DPH6: variants seen among roughly 807,000 people sequenced by gnomAD.
DPH6 encodes diphthine--ammonia ligase.
Under a neutral mutation model 38.2 loss-of-function variants are expected in DPH6, and 33 were observed. The observed-to-expected ratio is 0.86, with a 90% CI of 0.65 to 1.15. The LOEUF (loss-of-function observed/expected upper bound fraction) is 1.15, where lower values mean the gene tolerates loss of function less well. Ranked by LOEUF, DPH6 falls within the 50% of genes most tolerant of loss-of-function variation. The pLI is 0.00. For missense variants in DPH6, 325 were observed against 320.0 expected, an observed-to-expected ratio of 1.02 and a Z score of -0.12; for synonymous variants, 108 against 103.0, an observed-to-expected ratio of 1.05 and a Z score of -0.30.
intron 3 of DPH6, 26 bp downstream of exon 3, chr15:35,538,248 T>A (rs756777571): frequency 7.0e-7 from 1 of 1,422,132 alleles, no homozygotes; most frequent in South Asian, 1.8e-5. Context: ...CTAAATCCAA[T>A]ATACTTAATT....
chr15:35,260,407 G>A (rs1246113538), intron 3 of DPH6, among the ~76,000 whole-genome samples: 1 of 151,648 alleles, frequency 6.6e-6, no homozygotes, highest in Admixed American at 6.6e-5. Context: ...CGCCCAGCCA[G>A]GAGATTCTTT....
chr15:35,289,824 T>C (rs903087537), intron 3 of DPH6, among the ~76,000 whole-genome samples: 1 of 152,228 alleles, frequency 6.6e-6, no homozygotes, highest in African/African-American at 2.4e-5. Flanking sequence ...AAATTGATTA[T>C]TTTAGCTACT....
intron 5 of DPH6, among the ~76,000 whole-genome samples, chr15:35,424,760 C>T (rs1236208323): frequency 6.6e-6 from 1 of 151,376 alleles, no homozygotes; most frequent in Non-Finnish European, 1.5e-5. Context: ...GAAAAGATTA[C>T]TGAATAAAGG....
intron 3 of DPH6, among the ~76,000 whole-genome samples, chr15:35,338,123 A>C (rs2052388705): frequency 6.6e-6 from 1 of 152,198 alleles, no homozygotes; most frequent in Admixed American, 6.5e-5. Flanking sequence ...AGGCATGGGC[A>C]AGGACTTCAC....
chr15:35,354,642 T>A (rs949062945), intron 3 of DPH6, among the ~76,000 whole-genome samples: 1 of 152,188 alleles, frequency 6.6e-6, no homozygotes, highest in African/African-American at 2.4e-5. Flanking sequence ...CACTTGATCA[T>A]GGTGGATAAG....
At chr15:35,251,248 T>G (rs763926408) in intron 3 of DPH6, among the ~76,000 whole-genome samples, 4 of 152,214 alleles carry the variant, frequency 2.6e-5, no homozygotes, top group Non-Finnish European at 4.4e-5. Flanking sequence ...AGTGCAGGTT[T>G]GTTACACGAG....
At chr15:35,339,747 G>C (rs951118391) in intron 3 of DPH6, among the ~76,000 whole-genome samples, 7 of 152,146 alleles carry the variant, frequency 4.6e-5, no homozygotes, top group South Asian at 4.1e-4. Flanking sequence ...TGGTTGGAGA[G>C]ACTGTTTTTT....
intron 5 of DPH6, among the ~76,000 whole-genome samples, chr15:35,448,007 T>TA (rs1347240048): frequency 6.6e-6 from 1 of 152,224 alleles, no homozygotes; most frequent in African/African-American, 2.4e-5. Flanking sequence ...TCAATTTAGT[T>TA]ACTTTGCAAA....
intron 3 of DPH6, chr15:35,520,372 G>A (rs1185448539): frequency 3.1e-6 from 3 of 982,436 alleles, no homozygotes; most frequent in East Asian, 1.1e-4. Flanking sequence ...TTATACAACA[G>A]TATCAGGATG....
chr15:35,249,768 T>A (rs1350075150), intron 3 of DPH6, among the ~76,000 whole-genome samples: 2 of 152,150 alleles, frequency 1.3e-5, no homozygotes, highest in African/African-American at 2.4e-5. Context: ...TTGTGTGATA[T>A]GTTAGAGAAT....
intron 3 of DPH6, among the ~76,000 whole-genome samples, chr15:35,362,618 G>A (rs1477366041): frequency 6.6e-6 from 1 of 152,200 alleles, no homozygotes; most frequent in Non-Finnish European, 1.5e-5. Flanking sequence ...TGCACTCCAA[G>A]TCTGATGAGA....
intron 3 of DPH6, among the ~76,000 whole-genome samples, chr15:35,356,350 A>T (rs1595497656): frequency 6.6e-6 from 1 of 152,234 alleles, no homozygotes; most frequent in East Asian, 1.9e-4. Flanking sequence ...TTGAAGGAGG[A>T]GAGGTGCTTT....
Position 35,502,970 on chromosome 15 carries a change from G to A in DPH6, c.312+35304C>T, listed in dbSNP as rs555433004. On this transcript the variant is annotated intron_variant, in intron 3 of 8. Coordinates refer to ENST00000256538, the MANE Select transcript of DPH6 (RefSeq NM_080650.4). ...TACACACACACATACACACACACCA[G>A]TGTGCCTGGCCTCACTGATATATTT... Among the ~76,000 whole-genome samples the A allele has an allele frequency of 3.4e-5, 5 of 148,134 alleles. No individual in the cohort carries two copies. In the South Asian group the frequency reaches 1.1e-3, roughly 31 times the overall value.
At chr15:35,264,258 T>G (rs559347490) in intron 3 of DPH6, among the ~76,000 whole-genome samples, 5 of 152,318 alleles carry the variant, frequency 3.3e-5, no homozygotes, top group African/African-American at 1.2e-4. Flanking sequence ...TAGTACTATC[T>G]GCTTATTAGG....
intron 5 of DPH6, among the ~76,000 whole-genome samples, chr15:35,422,116 A>AATAT (rs34311414): frequency 2.0e-5 from 3 of 149,996 alleles, no homozygotes; most frequent in Non-Finnish European, 4.4e-5. Flanking sequence ...TATTCCTTCA[A>AATAT]ATATATATAT....
chr15:35,263,538 G>T (rs1595452117), intron 3 of DPH6, among the ~76,000 whole-genome samples: 1 of 151,058 alleles, frequency 6.6e-6, no homozygotes. Context: ...AAGCAGCTGG[G>T]GCTACAGGCA....
At chr15:35,356,460 T>G (rs568901811) in intron 3 of DPH6, among the ~76,000 whole-genome samples, 3 of 152,334 alleles carry the variant, frequency 2.0e-5, no homozygotes, top group Admixed American at 2.0e-4. Context: ...GATGGGTTTT[T>G]GGTGTGGATG....
chr15:35,351,745 A>G (rs1318090986), intron 3 of DPH6, among the ~76,000 whole-genome samples: 3 of 149,206 alleles, frequency 2.0e-5, no homozygotes, highest in South Asian at 2.1e-4. Flanking sequence ...TTTGAGAGAC[A>G]AGGTGTCACT....
the DPH6 span, among the ~76,000 whole-genome samples, chr15:35,198,119 G>A: frequency 2.9e-4 from 44 of 151,120 alleles, no homozygotes; most frequent in South Asian, 8.8e-3. Flanking sequence ...TATGCAATAT[G>A]ATCCAGGTAC....
Sources: allele counts gnomAD v4.1 joint callset (sites outside exome capture counted in the v4.1 genomes callset), GRCh38; gene constraint gnomAD v4.1.1; transcripts MANE v1.5; gene names NCBI Gene and HGNC (gene_info 2026-07-23, HGNC 2026-07-21).